Variants in TFDP2 observed in about 807,000 individuals in gnomAD.
TFDP2 encodes the protein transcription factor Dp-2.
In TFDP2, 17 loss-of-function variants were observed where a neutral mutation model predicts 59.3. That is an observed-to-expected ratio of 0.29 (90% CI 0.20 to 0.43). TFDP2 has a LOEUF of 0.43. Ranked by LOEUF, TFDP2 falls within the 20% of genes least tolerant of loss-of-function variation. The pLI is 1.00. For synonymous variants in TFDP2, 180 were observed against 194.7 expected (o/e 0.92, Z 0.63); for missense variants, 391 against 528.8 (o/e 0.74, Z 2.56).
At chr3:141,957,084 G>A (rs1327702216) in intron 11 of TFDP2, among the ~76,000 whole-genome samples, 1 of 152,164 alleles carries the variant, frequency 6.6e-6, no homozygotes, top group Non-Finnish European at 1.5e-5. Context: ...ACTTTGGGAG[G>A]CTGAGGCAGG....
chr3:142,068,001 CT>C (rs995078457), intron 3 of TFDP2, among the ~76,000 whole-genome samples: 2 of 133,924 alleles, frequency 1.5e-5, no homozygotes, highest in Admixed American at 7.8e-5. Flanking sequence ...AAGACTCTAG[CT>C]TAAAAAAAAA....
chr3:142,117,792 C>A (rs190082215), intron 1 of TFDP2, among the ~76,000 whole-genome samples: 1 of 152,040 alleles, frequency 6.6e-6, no homozygotes, highest in Non-Finnish European at 1.5e-5. Flanking sequence ...ATGAAAAAAA[C>A]AGGCGATAAG....
intron 4 of TFDP2, among the ~76,000 whole-genome samples, chr3:142,001,181 T>C (rs925046070): frequency 9.8e-5 from 15 of 152,288 alleles, no homozygotes; most frequent in Non-Finnish European, 2.1e-4. Context: ...TTTTGAAATC[T>C]AGGTGGAAGT....
intron 1 of TFDP2, among the ~76,000 whole-genome samples, chr3:142,133,991 G>A (rs970993279): frequency 2.6e-5 from 4 of 151,274 alleles, no homozygotes; most frequent in African/African-American, 7.3e-5. Flanking sequence ...CCGAGATCGC[G>A]CCACTGCATT....
chr3:142,037,702 T>G (rs1254521395), intron 3 of TFDP2, among the ~76,000 whole-genome samples: 1 of 152,196 alleles, frequency 6.6e-6, no homozygotes, highest in Non-Finnish European at 1.5e-5. Context: ...GTCCTTACTT[T>G]CTTATCTGGG....
At chr3:142,042,785 G>C (rs1324495779) in intron 3 of TFDP2, among the ~76,000 whole-genome samples, 1 of 141,384 alleles carries the variant, frequency 7.1e-6, no homozygotes, top group African/African-American at 2.7e-5. Flanking sequence ...TTTTGCCCAG[G>C]CTGGAGTGCA....
At chr3:142,058,089 A>C (rs1318321784) in intron 3 of TFDP2, among the ~76,000 whole-genome samples, 4 of 152,250 alleles carry the variant, frequency 2.6e-5, no homozygotes, top group Non-Finnish European at 5.9e-5. Context: ...TAAAGTGCTT[A>C]CATCTCCACT....
intron 1 of TFDP2, among the ~76,000 whole-genome samples, chr3:142,129,286 G>A (rs2062400376): frequency 6.8e-6 from 1 of 147,396 alleles, no homozygotes; most frequent in Admixed American, 6.7e-5. Context: ...GGGGGTTGCT[G>A]GAGGAAGTAA....
At chr3:142,104,862 A>G (rs921981225) in intron 1 of TFDP2, among the ~76,000 whole-genome samples, 9 of 152,158 alleles carry the variant, frequency 5.9e-5, no homozygotes, top group African/African-American at 2.2e-4. Flanking sequence ...AAAATCAACA[A>G]ATTAACAGCC....
At chr3:142,098,370 A>T (rs1456001491) in intron 2 of TFDP2, among the ~76,000 whole-genome samples, 1 of 150,968 alleles carries the variant, frequency 6.6e-6, no homozygotes, top group Admixed American at 6.7e-5. Flanking sequence ...ATATTACTGG[A>T]TACTAGATAC....
At chr3:142,044,590 C>T (rs563369778) in intron 3 of TFDP2, among the ~76,000 whole-genome samples, 7 of 152,036 alleles carry the variant, frequency 4.6e-5, no homozygotes, top group Non-Finnish European at 1.0e-4. Context: ...AGGCTGGTCT[C>T]GAACTCTTGA....
intron 6 of TFDP2, among the ~76,000 whole-genome samples, chr3:141,980,199 C>A (rs1941318007): frequency 6.7e-6 from 1 of 150,118 alleles, no homozygotes; most frequent in Admixed American, 6.6e-5. Context: ...GCCACCCTGC[C>A]CAGCCACGTC....
intron 1 of TFDP2, among the ~76,000 whole-genome samples, chr3:142,131,760 T>C (rs1467218015): frequency 6.7e-6 from 1 of 149,878 alleles, no homozygotes; most frequent in Non-Finnish European, 1.5e-5. Flanking sequence ...AATCCCAGCA[T>C]TTTGAGAGGC....
At chr3:142,126,635 T>A (rs1053188748) in intron 1 of TFDP2, among the ~76,000 whole-genome samples, 3 of 152,070 alleles carry the variant, frequency 2.0e-5, no homozygotes, top group African/African-American at 7.2e-5. Flanking sequence ...CAGGTCTCTA[T>A]CCATCCCTTC....
At chr3:141,959,531 T>C in intron 11 of TFDP2, 143 bp downstream of exon 11, 2 of 807,100 alleles carry the variant, frequency 2.5e-6, no homozygotes, top group Non-Finnish European at 4.0e-6. Flanking sequence ...TTTGAAAAAA[T>C]GGTCCTAAAG....
At chr3:142,051,413 C>T (rs1214590774) in intron 3 of TFDP2, among the ~76,000 whole-genome samples, 1 of 152,020 alleles carries the variant, frequency 6.6e-6, no homozygotes, top group Non-Finnish European at 1.5e-5. Context: ...GTGGTGTGCA[C>T]CTGTAATCCC....
chr3:141,977,405 C>CAA lies in TFDP2; in HGVS notation c.519+1113_519+1114dup, dbSNP rs202181685. ...TGGGCAACATAGTGAGACCTCATAT[C>CAA]AAAAAAAAAAAAAAAAGATAAAGAA... On this transcript the variant is annotated intron_variant, in intron 7 of 12. Transcript: ENST00000489671. 6.6e-5 allele frequency among the ~76,000 whole-genome samples: 7 copies of CAA among 106,704 alleles called. No homozygotes were observed. The South Asian group carries it at 1.4e-3, about 22-fold the overall frequency. The allele number at this position is 106,704 out of a possible 152,430, so 70.0% of individuals were successfully genotyped here.
At position 142,039,240 on chromosome 3, in the gene TFDP2, T is replaced by C. The variant is rs114743300; in HGVS notation, c.83-33696A>G. 5.1e-3 allele frequency among the ~76,000 whole-genome samples: 779 copies of C among 152,366 alleles called. 9 individuals carry two copies. The highest frequency in any genetic ancestry group is 0.018 in the African/African-American group (745 of 41,574). On this transcript the variant is annotated intron_variant, in intron 3 of 12. Transcript: ENST00000489671. ...TTCTTCTCCTGTGAATTACCCATTC[T>C]GCTGCCCTATTTTTTCTTACAGTGC...
intron 3 of TFDP2, among the ~76,000 whole-genome samples, chr3:142,074,007 G>C (rs1348367724): frequency 6.6e-6 from 1 of 152,164 alleles, no homozygotes; most frequent in East Asian, 1.9e-4. Flanking sequence ...GAAGAATAAA[G>C]TTGGAAAACT....
Sources: gnomAD v4.1 joint callset for allele counts (sites outside exome capture counted in the v4.1 genomes callset) on GRCh38, gnomAD v4.1.1 for gene constraint, MANE v1.5 for transcripts, NCBI Gene and HGNC (gene_info 2026-07-23, HGNC 2026-07-21) for gene names.